The following ACYP2 variants were observed in gnomAD, a reference collection of about 807,000 sequenced individuals.
The protein encoded by ACYP2 is acylphosphatase 2.
Under a neutral mutation model 11.2 loss-of-function variants are expected in ACYP2, and 12 were observed. The ratio of observed to expected loss-of-function variants is 1.08; its 90% CI spans 0.69 to 1.74. The LOEUF is 1.74. Among genes scored for constraint, ACYP2 ranks in the 40% most tolerant of loss-of-function variants. The pLI, the probability that ACYP2 is intolerant of heterozygous loss-of-function variation, is 0.00. For missense variants in ACYP2, 134 were observed against 101.9 expected (o/e 1.31, Z -1.35); for synonymous variants, 43 against 32.2 (o/e 1.33, Z -1.13).
intron 2 of ACYP2, among the ~76,000 whole-genome samples, chr2:54,050,194 C>G (rs777826302): frequency 1.3e-5 from 2 of 151,910 alleles, no homozygotes; most frequent in Non-Finnish European, 2.9e-5. Flanking sequence ...CATGAACAGT[C>G]TAAAAAATGA....
intron 4 of ACYP2, among the ~76,000 whole-genome samples, chr2:54,066,542 C>T (rs1355379262): frequency 1.3e-5 from 2 of 152,126 alleles, no homozygotes; most frequent in East Asian, 1.9e-4. Context: ...AATTTGAACC[C>T]AGCCATGTGT....
chr2:54,286,280 G>C (rs529112189), intron 6 of ACYP2, among the ~76,000 whole-genome samples: 4 of 152,116 alleles, frequency 2.6e-5, no homozygotes, highest in African/African-American at 9.7e-5. Context: ...GGGAGCTGTG[G>C]TTTGCTGCTG....
intron 6 of ACYP2, among the ~76,000 whole-genome samples, chr2:54,145,343 A>G (rs948368400): frequency 6.6e-6 from 1 of 152,220 alleles, no homozygotes; most frequent in African/African-American, 2.4e-5. Flanking sequence ...GTAACAGGAT[A>G]CCTGATTAAA....
chr2:54,236,191 C>G (rs1189312526), intron 6 of ACYP2, among the ~76,000 whole-genome samples: 1 of 152,128 alleles, frequency 6.6e-6, no homozygotes, highest in Non-Finnish European at 1.5e-5. Flanking sequence ...CTTCCTTGGC[C>G]TCCCAAAGTG....
chr2:54,182,550 C>T (rs898776048), intron 6 of ACYP2, among the ~76,000 whole-genome samples: 1 of 152,112 alleles, frequency 6.6e-6, no homozygotes, highest in African/African-American at 2.4e-5. Flanking sequence ...GTTGCCCAGG[C>T]TGGTCTTGAA....
chr2:54,010,737 C>CTTTTTTTTTTTTTTTTTTTTTTT (rs539896151), intron 2 of ACYP2, among the ~76,000 whole-genome samples: 1 of 107,660 alleles, frequency 9.3e-6, no homozygotes, highest in Non-Finnish European at 1.8e-5. Flanking sequence ...TTCTTTCTTT[C>CTTTTTTTTTTTTTTTTTTTTTTT]TTTTTTTTTT....
intron 2 of ACYP2, among the ~76,000 whole-genome samples, chr2:53,982,448 G>A (rs1179192897): frequency 3.3e-5 from 5 of 152,086 alleles, no homozygotes; most frequent in African/African-American, 1.2e-4. Flanking sequence ...TTAGATGAAT[G>A]ACACAGTACC....
intron 4 of ACYP2, among the ~76,000 whole-genome samples, chr2:54,071,782 G>A (rs890636580): frequency 3.9e-5 from 6 of 152,150 alleles, no homozygotes; most frequent in African/African-American, 1.2e-4. Flanking sequence ...AGGCCAAGGT[G>A]GGTGGATCAC....
rs555404096 is a variant in ACYP2, at chr2:54,138,804, G to GT, written c.404+62dup. ...AAATTTATGAGGCTGCTGTTTTTTA[G>GT]TTTTTTAAGACATGGTCTTGCTCTG... is the stretch of plus-strand genomic sequence containing the variant. On this transcript the variant is annotated intron_variant, in intron 6 of 6. Coordinates refer to ENST00000607452, the MANE Select transcript of ACYP2 (RefSeq NM_001320586.2). The GT allele has an allele frequency of 2.8e-4, 403 of 1,456,274 alleles. No individual in the cohort carries two copies. The African/African-American group carries it at 4.8e-3, about 17-fold the overall frequency. 90.2% of individuals were successfully genotyped at this position (1,456,274 alleles called of 1,614,324 possible). A position where few individuals can be genotyped will look rare whatever the true frequency, so the allele number is the denominator to read the frequency against.
In ACYP2 at chr2:54,029,085, A is replaced by G. The variant is rs114336188; in HGVS notation, c.63-21873A>G. 3.5e-3 allele frequency among the ~76,000 whole-genome samples: 539 copies of G among 152,310 alleles called. 5 individuals carry two copies. The highest frequency in any genetic ancestry group is 0.012 in the African/African-American group (506 of 41,572). On this transcript the variant is annotated intron_variant, in intron 2 of 6. Coordinates refer to ENST00000607452, the MANE Select transcript of ACYP2 (RefSeq NM_001320586.2). ...GAGGCCGAGGTAGGAGCATGGCTTC[A>G]GCCTGGAAAGCTGAGGCTGCAGTAA...
At chr2:53,991,878 T>G (rs368867181) in intron 2 of ACYP2, among the ~76,000 whole-genome samples, 16 of 152,220 alleles carry the variant, frequency 1.1e-4, no homozygotes, top group East Asian at 9.7e-4. Context: ...CATAGGGTAC[T>G]GCAGACTCGA....
intron 6 of ACYP2, among the ~76,000 whole-genome samples, chr2:54,223,574 A>G (rs1572957765): frequency 6.6e-6 from 1 of 152,302 alleles, no homozygotes; most frequent in East Asian, 1.9e-4. Context: ...TGATTCTACA[A>G]CACTGTGTTG....
intron 1 of ACYP2, chr2:53,971,412 T>G (rs1450849650): frequency 1.3e-5 from 2 of 152,242 alleles, no homozygotes; most frequent in African/African-American, 4.8e-5. Context: ...CCTTATAGAT[T>G]TATTTACTCC....
chr2:54,268,894 T>C (rs573101869), intron 6 of ACYP2, among the ~76,000 whole-genome samples: 6 of 152,326 alleles, frequency 3.9e-5, no homozygotes, highest in Admixed American at 3.3e-4. Context: ...ATTCATGTCA[T>C]AACCTGAGAG....
chr2:53,996,949 G>C (rs776500733), intron 2 of ACYP2, among the ~76,000 whole-genome samples: 1 of 152,056 alleles, frequency 6.6e-6, no homozygotes, highest in Non-Finnish European at 1.5e-5. Flanking sequence ...ACAAAATAAA[G>C]CCCAGACTAT....
chr2:54,199,812 G>T (rs1370562054), intron 6 of ACYP2, among the ~76,000 whole-genome samples: 1 of 152,136 alleles, frequency 6.6e-6, no homozygotes, highest in African/African-American at 2.4e-5. Flanking sequence ...CAGAGTCAGT[G>T]CCTTTAACCA....
chr2:54,126,740 G>C (rs1395006670), intron 4 of ACYP2, among the ~76,000 whole-genome samples: 1 of 152,112 alleles, frequency 6.6e-6, no homozygotes, highest in Non-Finnish European at 1.5e-5. Context: ...CTGAGGTCAG[G>C]AGTTTGAGAC....
At chr2:54,087,438 C>G (rs758532222) in intron 4 of ACYP2, among the ~76,000 whole-genome samples, 11 of 152,060 alleles carry the variant, frequency 7.2e-5, no homozygotes, top group Non-Finnish European at 1.3e-4. Flanking sequence ...GCCTTGATCT[C>G]CCCAGGCTCA....
At chr2:54,126,155 G>C (rs1680486071) in intron 4 of ACYP2, among the ~76,000 whole-genome samples, 1 of 152,130 alleles carries the variant, frequency 6.6e-6, no homozygotes, top group Non-Finnish European at 1.5e-5. Context: ...AAACTTCATA[G>C]GCCAGTTTGC....
Sources: gnomAD v4.1 joint callset for allele counts (sites outside exome capture counted in the v4.1 genomes callset) on GRCh38, gnomAD v4.1.1 for gene constraint, MANE v1.5 for transcripts, NCBI Gene and HGNC (gene_info 2026-07-23, HGNC 2026-07-21) for gene names.